NBDY: variants seen among roughly 807,000 people sequenced by gnomAD.
NBDY encodes negative regulator of P-body association.
At chrX:56,764,373 C>T (rs981933645) in intron 2 of NBDY, among the ~76,000 whole-genome samples, 23 of 111,895 alleles carry the variant, frequency 2.1e-4, no homozygotes, top group Non-Finnish European at 4.0e-4. Flanking sequence ...GGGCCAGCTC[C>T]GCCCTCTGGG....
chrX:56,798,398 T>C (rs1016115180), intron 2 of NBDY, among the ~76,000 whole-genome samples: 68 of 111,606 alleles, frequency 6.1e-4, no homozygotes, highest in African/African-American at 2.2e-3. Context: ...CACCCCTGCC[T>C]GTGTGAAAGC....
At chrX:56,814,388 A>G (rs954148229) in intron 2 of NBDY, among the ~76,000 whole-genome samples, 5 of 111,345 alleles carry the variant, frequency 4.5e-5, no homozygotes, top group African/African-American at 9.8e-5. Flanking sequence ...TTATATATCA[A>G]TTAGGGATTA....
At chrX:56,760,960 G>T (rs2069634802) in intron 2 of NBDY, among the ~76,000 whole-genome samples, 1 of 110,951 alleles carries the variant, frequency 9.0e-6, no homozygotes, top group Non-Finnish European at 1.9e-5. Context: ...GGGTGTGTAG[G>T]TCTGCATTCC....
chrX:56,746,299 C>T (rs2069557896), intron 2 of NBDY, among the ~76,000 whole-genome samples: 1 of 110,513 alleles, frequency 9.0e-6, no homozygotes, highest in East Asian at 2.9e-4. Flanking sequence ...TCTCATACTA[C>T]TCTATATTGA....
intron 2 of NBDY, among the ~76,000 whole-genome samples, chrX:56,807,171 A>G (rs1306178343): frequency 7.2e-5 from 8 of 111,577 alleles, no homozygotes; most frequent in Non-Finnish European, 1.5e-4. Flanking sequence ...CCATTGGTTT[A>G]TATATCTGTT....
chrX:56,739,474 A>T (rs1432074239), intron 2 of NBDY, among the ~76,000 whole-genome samples: 1 of 107,091 alleles, frequency 9.3e-6, no homozygotes, highest in African/African-American at 3.4e-5. Flanking sequence ...GGAACCATGG[A>T]CAAAAACCAA....
At chrX:56,736,817 T>C (rs994837138) in intron 2 of NBDY, among the ~76,000 whole-genome samples, 13 of 112,380 alleles carry the variant, frequency 1.2e-4, no homozygotes, top group Admixed American at 3.8e-4. Flanking sequence ...AGAATTTCTT[T>C]TTAAATGATA....
intron 2 of NBDY, among the ~76,000 whole-genome samples, chrX:56,753,688 C>T (rs908566817): frequency 2.4e-4 from 27 of 110,756 alleles, no homozygotes; most frequent in African/African-American, 8.2e-4. Flanking sequence ...ATTCCTGAAA[C>T]CTAAGGGAAG....
chrX:56,740,910 C>A (rs1377676703), intron 2 of NBDY, among the ~76,000 whole-genome samples: 2 of 110,438 alleles, frequency 1.8e-5, no homozygotes, highest in Non-Finnish European at 1.9e-5. Context: ...ACTATAGTCA[C>A]CCTGCTGTCC....
intron 2 of NBDY, among the ~76,000 whole-genome samples, chrX:56,815,455 GA>G (rs1335442754): frequency 8.9e-6 from 1 of 111,765 alleles, no homozygotes; most frequent in Non-Finnish European, 1.9e-5. Flanking sequence ...ATCATTTATA[GA>G]AATTTAAAGT....
intron 2 of NBDY, among the ~76,000 whole-genome samples, chrX:56,740,982 C>A (rs1338374568): frequency 9.0e-6 from 1 of 110,714 alleles, no homozygotes; most frequent in Non-Finnish European, 1.9e-5. Flanking sequence ...CACTCTCCCC[C>A]ACCACCCATT....
chrX:56,798,326 G>T (rs1453047489), intron 2 of NBDY, among the ~76,000 whole-genome samples: 1 of 112,110 alleles, frequency 8.9e-6, no homozygotes, highest in Non-Finnish European at 1.9e-5. Flanking sequence ...AGCCCTTTGT[G>T]ATGTCATGGG....
intron 2 of NBDY, among the ~76,000 whole-genome samples, chrX:56,751,356 C>A (rs1325596066): frequency 9.0e-6 from 1 of 111,643 alleles, no homozygotes; most frequent in Non-Finnish European, 1.9e-5. Flanking sequence ...TTTACTATTT[C>A]TGTGCCTGGT....
At chrX:56,787,128 C>G (rs1275243812) in intron 2 of NBDY, among the ~76,000 whole-genome samples, 8 of 111,235 alleles carry the variant, frequency 7.2e-5, no homozygotes, top group Non-Finnish European at 1.3e-4. Flanking sequence ...CAGGGTGTCT[C>G]TGCACGTCCA....
intron 2 of NBDY, among the ~76,000 whole-genome samples, chrX:56,793,462 G>T (rs1224691905): frequency 9.0e-6 from 1 of 111,132 alleles, no homozygotes; most frequent in Non-Finnish European, 1.9e-5. Context: ...GGACCAGGTG[G>T]CTGGTTCCTT....
chrX:56,786,154 C>T, intron 2 of NBDY, among the ~76,000 whole-genome samples: 1 of 110,276 alleles, frequency 9.1e-6, no homozygotes, highest in Non-Finnish European at 1.9e-5. Context: ...TCCTTCCCTG[C>T]TTTGGCCTTG....
intron 2 of NBDY, among the ~76,000 whole-genome samples, chrX:56,747,483 T>C (rs2069563362): frequency 9.0e-6 from 1 of 111,102 alleles, no homozygotes; most frequent in African/African-American, 3.3e-5. Context: ...GAACTCGAGG[T>C]AGGCTGGTTT....
chrX:56,797,193 C>T (rs908488405), intron 2 of NBDY, among the ~76,000 whole-genome samples: 1 of 103,643 alleles, frequency 9.6e-6, no homozygotes, highest in Non-Finnish European at 2.0e-5. Flanking sequence ...TTCTTCTCTC[C>T]TTCTTTCCTT....
At position 56,801,977 on chromosome X, in the gene NBDY, GACACACACACACACAC is replaced by G. The variant is rs5902560; in HGVS notation, c.*167-15319_*167-15304del. Reference sequence around the variant, plus strand: ...ACACATGCACACTCACAAACTCATAGACACACACACACACACACACACACACACACACACACACAAA... The same window carrying G: ...ACACATGCACACTCACAAACTCATAGACACACACACACACACACACACAAA... On this transcript the variant is annotated intron_variant, in intron 2 of 2. Transcript: ENST00000374922. Among the ~76,000 whole-genome samples the G allele has an allele frequency of 2.0e-4, 20 of 99,617 alleles. No individual in the cohort carries two copies. In the East Asian group the frequency reaches 2.9e-3, roughly 15 times the overall value. The allele number at this position is 99,617 out of a possible 115,157, so 86.5% of individuals were successfully genotyped here.
Sources: allele counts gnomAD v4.1 joint callset (sites outside exome capture counted in the v4.1 genomes callset), GRCh38; gene constraint gnomAD v4.1.1; transcripts MANE v1.5; gene names NCBI Gene and HGNC (gene_info 2026-07-23, HGNC 2026-07-21).